The following ATXN1 variants were observed in gnomAD, a reference collection of about 807,000 sequenced individuals.
ATXN1 encodes ataxin 1, also known as ataxin-1.
Under a neutral mutation model 56.4 loss-of-function variants are expected in ATXN1, and 8 were observed. The ratio of observed to expected loss-of-function variants is 0.14; its 90% CI spans 0.08 to 0.26. The LOEUF (loss-of-function observed/expected upper bound fraction) is 0.26. ATXN1 is among the 10% of genes least tolerant of loss of function. The probability of loss-of-function intolerance (pLI) is 1.00; values close to 1 mark genes in which losing one functional copy is unlikely to be tolerated. For missense variants in ATXN1, 987 were observed against 1,106.5 expected, an observed-to-expected ratio of 0.89 and a Z score of 1.53; for synonymous variants, 514 against 494.6, an observed-to-expected ratio of 1.04 and a Z score of -0.52.
intron 2 of ATXN1, among the ~76,000 whole-genome samples, chr6:16,709,722 T>A (rs4716089): frequency 0.57 from 86,546 of 151,848 alleles, 25,199 homozygotes; most frequent in East Asian, 0.86. Context: ...ATAATCAGTA[T>A]TACTAACACT....
intron 6 of ATXN1, among the ~76,000 whole-genome samples, chr6:16,389,366 A>G (rs1008715893): frequency 6.6e-6 from 1 of 151,862 alleles, no homozygotes; most frequent in Non-Finnish European, 1.5e-5. Context: ...AAAAGGAAAG[A>G]AAAAGATGAT....
At chr6:16,623,348 A>G (rs1396194464) in intron 3 of ATXN1, among the ~76,000 whole-genome samples, 1 of 150,800 alleles carries the variant, frequency 6.6e-6, no homozygotes, top group Non-Finnish European at 1.5e-5. Flanking sequence ...ATGAAATGCC[A>G]TTTTTCAAAC....
At chr6:16,680,667 CA>C (rs757626882) in intron 2 of ATXN1, among the ~76,000 whole-genome samples, 92 of 152,192 alleles carry the variant, frequency 6.0e-4, no homozygotes, top group Non-Finnish European at 1.0e-3. Flanking sequence ...GAAACAAATA[CA>C]AGTAATGGGT....
At chr6:16,531,087 C>T (rs1266701884) in intron 4 of ATXN1, among the ~76,000 whole-genome samples, 1 of 152,086 alleles carries the variant, frequency 6.6e-6, no homozygotes, top group African/African-American at 2.4e-5. Context: ...CTCAAAATTC[C>T]CAAATTGGCA....
chr6:16,589,623 G>A (rs767603260), intron 3 of ATXN1, among the ~76,000 whole-genome samples: 6 of 152,076 alleles, frequency 3.9e-5, no homozygotes, highest in South Asian at 2.1e-4. Flanking sequence ...GGGTTGTTAC[G>A]AGAGTTAACT....
At chr6:16,311,711 A>T (rs1760394785) in intron 7 of ATXN1, among the ~76,000 whole-genome samples, 2 of 152,268 alleles carry the variant, frequency 1.3e-5, no homozygotes, top group African/African-American at 4.8e-5. Context: ...AACTGGCTCC[A>T]TAGATCCTCT....
chr6:16,724,948 A>G (rs1302919499), intron 2 of ATXN1, among the ~76,000 whole-genome samples: 1 of 152,182 alleles, frequency 6.6e-6, no homozygotes, highest in African/African-American at 2.4e-5. Context: ...GCTTCACCAG[A>G]GAAAGACAGG....
chr6:16,451,896 T>C (rs1190417991), intron 6 of ATXN1, among the ~76,000 whole-genome samples: 2 of 152,240 alleles, frequency 1.3e-5, no homozygotes, highest in African/African-American at 4.8e-5. Context: ...ATCCTCCTGT[T>C]TCTATCTTCA....
chr6:16,656,678 T>C (rs1487635047), intron 3 of ATXN1, among the ~76,000 whole-genome samples: 1 of 152,176 alleles, frequency 6.6e-6, no homozygotes, highest in Non-Finnish European at 1.5e-5. Context: ...GAAACCCCCA[T>C]CATCTTTCAC....
intron 6 of ATXN1, among the ~76,000 whole-genome samples, chr6:16,383,791 G>A (rs974959610): frequency 3.3e-5 from 5 of 152,204 alleles, no homozygotes; most frequent in African/African-American, 1.2e-4. Flanking sequence ...GTCAGTGAGT[G>A]AACACACAAA....
At chr6:16,414,537 G>A (rs985414492) in intron 6 of ATXN1, among the ~76,000 whole-genome samples, 1 of 152,168 alleles carries the variant, frequency 6.6e-6, no homozygotes, top group Non-Finnish European at 1.5e-5. Context: ...ATAACCAAAT[G>A]TCTAGACTTA....
At chr6:16,499,811 A>G (rs2113672299) in intron 5 of ATXN1, among the ~76,000 whole-genome samples, 1 of 152,362 alleles carries the variant, frequency 6.6e-6, no homozygotes, top group Non-Finnish European at 1.5e-5. Flanking sequence ...AATTCTGGCT[A>G]TCATCAATTC....
intron 7 of ATXN1, among the ~76,000 whole-genome samples, chr6:16,308,322 TCACACACACACA>T (rs35291830): frequency 9.8e-4 from 130 of 132,720 alleles, no homozygotes; most frequent in African/African-American, 2.3e-3. Context: ...TGAAACTCCG[TCACACACACACA>T]CACACACACA....
chr6:16,546,889 GAACC>G (rs1561749230), intron 4 of ATXN1, among the ~76,000 whole-genome samples: 1 of 152,178 alleles, frequency 6.6e-6, no homozygotes, highest in Admixed American at 6.5e-5. Flanking sequence ...ATAAAAATTA[GAACC>G]AACTATTTCA....
In ATXN1 at chr6:16,760,317, G is replaced by A. The variant is rs1360245472; in HGVS notation, c.-730+981C>T. On this transcript the variant is annotated intron_variant, in intron 1 of 7. Transcript: ENST00000436367. The surrounding 1 kb of genome is among the most constrained non-coding windows in gnomAD (Gnocchi z 5.3). The stretch of plus-strand genomic sequence containing the variant: ...AGCAGCCGCGCAGCCGTTCACTCCC[G>A]GCTCAGGGCAGCGCCTGCCGCGGCT... Among the ~76,000 whole-genome samples the A allele has an allele frequency of 6.6e-6, 1 of 151,868 alleles. No individual in the cohort carries two copies. The highest frequency in any genetic ancestry group is 1.5e-5 in the Non-Finnish European group (1 of 67,898).
At chr6:16,621,827 T>C (rs1029574085) in intron 3 of ATXN1, among the ~76,000 whole-genome samples, 7 of 152,204 alleles carry the variant, frequency 4.6e-5, no homozygotes, top group South Asian at 2.1e-4. Context: ...CAGCAGATGA[T>C]AGGCAGAAAA....
chr6:16,409,479 A>G lies in ATXN1; in HGVS notation c.-161+76493T>C, dbSNP rs368525450. Among the ~76,000 whole-genome samples the G allele has an allele frequency of 8.6e-5, 13 of 151,858 alleles. No individual in the cohort carries two copies. The East Asian group carries it at 1.4e-3, about 16-fold the overall frequency. ...ACCAGCCTGGCCAACATAGTGAAACACTGTCTCTACTAAAAATACAAAAAT... is the reference window on the plus strand; with the variant it reads ...ACCAGCCTGGCCAACATAGTGAAACGCTGTCTCTACTAAAAATACAAAAAT... On this transcript the variant is annotated intron_variant, in intron 6 of 7. Coordinates refer to ENST00000436367, the MANE Select transcript of ATXN1 (RefSeq NM_001128164.2).
intron 4 of ATXN1, among the ~76,000 whole-genome samples, chr6:16,538,429 CTTTT>C (rs562251535): frequency 1.3e-5 from 2 of 151,644 alleles, no homozygotes; most frequent in Admixed American, 6.6e-5. Flanking sequence ...TTTTTTTAAT[CTTTT>C]TTTTGTTTTT....
chr6:16,529,627 A>G (rs947232234), intron 4 of ATXN1, among the ~76,000 whole-genome samples: 2 of 152,156 alleles, frequency 1.3e-5, no homozygotes, highest in South Asian at 2.1e-4. Context: ...TAACAGATGT[A>G]TTTTATTTTA....
Sources: allele counts gnomAD v4.1 joint callset (sites outside exome capture counted in the v4.1 genomes callset), GRCh38; gene constraint gnomAD v4.1.1; non-coding constraint Gnocchi (gnomAD v3.1); transcripts MANE v1.5; gene names NCBI Gene and HGNC (gene_info 2026-07-23, HGNC 2026-07-21).